Variants in ERN1 observed in about 807,000 individuals in gnomAD.
ERN1 encodes endoplasmic reticulum to nucleus signaling 1, also known as serine/threonine-protein kinase/endoribonuclease IRE1.
Under a neutral mutation model 113.1 loss-of-function variants are expected in ERN1, and 39 were observed. That is an observed-to-expected ratio of 0.34 (90% CI 0.27 to 0.45). The LOEUF is 0.45. ERN1 is among the 20% of genes least tolerant of loss of function. The probability of loss-of-function intolerance (pLI) is 1.00; values close to 1 mark genes in which losing one functional copy is unlikely to be tolerated. For missense variants in ERN1, 976 were observed against 1,274.8 expected, an observed-to-expected ratio of 0.77 and a Z score of 3.57; for synonymous variants, 507 against 515.9, an observed-to-expected ratio of 0.98 and a Z score of 0.23.
chr17:64,129,869 G>T, intron 1 of ERN1, 107 bp downstream of exon 1: 1 of 1,089,946 alleles, frequency 9.2e-7, no homozygotes, highest in Non-Finnish European at 1.2e-6. Context: ...TCTGGCCGCC[G>T]CCGTCGCGCT....
Position 64,045,352 on chromosome 17 carries a change from T to C in ERN1, c.2653+7A>G. 6 of 1,613,830 alleles carry C rather than the reference T, an allele frequency of 3.7e-6. No homozygotes were observed. The highest frequency in any genetic ancestry group is 5.1e-6 in the Non-Finnish European group (6 of 1,179,872). On this transcript the variant is annotated splice_region_variant and intron_variant, in intron 20 of 21. Transcript: ENST00000433197. ...ACCTGCCCTCTCACACGCTGCAGCA[T>C]GATCACCTGTCTGGAGGGGGACAGT...
chr17:64,072,260 T>C (rs1017786394), intron 5 of ERN1, among the ~76,000 whole-genome samples, 157 bp from the exon 6 acceptor site: 3 of 152,254 alleles, frequency 2.0e-5, no homozygotes, highest in African/African-American at 7.2e-5. Context: ...GCAGAGATAA[T>C]AAAACTTCTT....
chr17:64,065,313 T>C (rs898102513), intron 8 of ERN1, 26 bp from the exon 9 acceptor site: 1 of 1,516,224 alleles, frequency 6.6e-7, no homozygotes, highest in Non-Finnish European at 9.0e-7. Flanking sequence ...ATACATGCAT[T>C]CCAGAGTCAT....
intron 8 of ERN1, among the ~76,000 whole-genome samples, chr17:64,065,885 G>A (rs911498319): frequency 6.6e-6 from 1 of 152,116 alleles, no homozygotes; most frequent in Non-Finnish European, 1.5e-5. Flanking sequence ...AATGGTGAGA[G>A]CTACACCTCC....
At chr17:64,078,937 C>T (rs570410093) in intron 4 of ERN1, among the ~76,000 whole-genome samples, 20 of 152,274 alleles carry the variant, frequency 1.3e-4, no homozygotes, top group Admixed American at 2.0e-4. Context: ...GCCTGTGAGA[C>T]GGAGGTTGTA....
intron 12 of ERN1, among the ~76,000 whole-genome samples, chr17:64,056,390 G>C (rs1485918207): frequency 3.3e-5 from 5 of 152,226 alleles, no homozygotes; most frequent in African/African-American, 1.2e-4. Flanking sequence ...GTTGGCTAGA[G>C]GCTAGCGCAC....
chr17:64,083,855 T>C (rs1373181147), intron 2 of ERN1, among the ~76,000 whole-genome samples: 1 of 152,180 alleles, frequency 6.6e-6, no homozygotes, highest in East Asian at 1.9e-4. Flanking sequence ...ATCACTTCTT[T>C]AAGCTCAAAT....
chr17:64,101,269 C>T (rs566011578), intron 1 of ERN1, among the ~76,000 whole-genome samples: 22 of 152,052 alleles, frequency 1.4e-4, no homozygotes, highest in African/African-American at 3.9e-4. Flanking sequence ...ATTAGCCGGG[C>T]GTGGTGGTGG....
Position 64,039,827 on chromosome 17 carries a change from G to A in ERN1, c.*4161C>T, listed in dbSNP as rs1317499177. On this transcript the variant is annotated 3_prime_UTR_variant, in exon 22 of 22. Transcript: ENST00000433197. ...ACACAGTACACAGGGGAGGTGGGGG[G>A]GCTTTGGCCAAAGTGTTGGTTAAGG... is the stretch of plus-strand genomic sequence containing the variant. The A allele has an allele frequency of 1.3e-5, 2 of 152,286 alleles. No individual in the cohort carries two copies. Among genetic ancestry groups the A allele is most frequent in the African/African-American group, 4.8e-5 (2 of 41,538 alleles). The allele number at this position is 152,286 out of a possible 1,614,324, so 9.4% of individuals were successfully genotyped here. A position where few individuals can be genotyped will look rare whatever the true frequency, so the allele number is the denominator to read the frequency against.
rs575287877 is a variant in ERN1 at position 64,076,692 on chromosome 17, C to T, written c.283-1445G>A. On this transcript the variant is annotated intron_variant, in intron 4 of 21. Coordinates refer to ENST00000433197, the MANE Select transcript of ERN1 (RefSeq NM_001433.5). ...TCGGCTCACTGCAAGCTCCGCCTCCCGGGTTGATGCCATTCTCCTGCCTCA... is the reference window on the plus strand; with the variant it reads ...TCGGCTCACTGCAAGCTCCGCCTCCTGGGTTGATGCCATTCTCCTGCCTCA... Among the ~76,000 whole-genome samples the T allele has an allele frequency of 2.2e-3, 332 of 152,052 alleles. 4 individuals carry two copies. The highest frequency in any genetic ancestry group is 7.6e-3 in the African/African-American group (315 of 41,478).
At chr17:64,128,651 C>T (rs1355630446) in intron 1 of ERN1, 1 of 152,126 alleles carries the variant, frequency 6.6e-6, no homozygotes, top group South Asian at 2.1e-4. Context: ...AGATGCCAGG[C>T]AGTAGTTACC....
In ERN1 at chr17:64,075,261, A is replaced by AAG. The variant is rs746990089; in HGVS notation, c.283-15_283-14insCT. On this transcript the variant is annotated splice_polypyrimidine_tract_variant and intron_variant, in intron 4 of 21. Coordinates refer to ENST00000433197, the MANE Select transcript of ERN1 (RefSeq NM_001433.5). ...AAAAGGAAGTTTCTTTAAAAAAAAA[A>AAG]AAAAAGAAAAAAAAAAGTTAACCAA... 1.1e-5 allele frequency: 16 copies of AAG among 1,481,188 alleles called. No homozygotes were observed. The highest frequency in any genetic ancestry group is 1.3e-5 in the South Asian group (1 of 74,796). The allele number at this position is 1,481,188 out of a possible 1,614,324, so 91.8% of individuals were successfully genotyped here.
At chr17:64,084,936 A>T (rs1214329105) in intron 2 of ERN1, among the ~76,000 whole-genome samples, 1 of 152,124 alleles carries the variant, frequency 6.6e-6, no homozygotes, top group Non-Finnish European at 1.5e-5. Flanking sequence ...GTCTTCCATG[A>T]TCACCTCCTA....
intron 2 of ERN1, among the ~76,000 whole-genome samples, chr17:64,089,175 C>T (rs146322950): frequency 2.0e-5 from 3 of 151,836 alleles, no homozygotes; most frequent in Non-Finnish European, 2.9e-5. Context: ...AAAAATTAGC[C>T]GGGCATGGTG....
chr17:64,043,902 C>A lies in ERN1; in HGVS notation c.*86G>T. ...TGGTTTGGGAAGCCTGGTCTCCCTGCAAAGCCGGGAGGCATCAAGCTCTAA... is the reference window on the plus strand; with the variant it reads ...TGGTTTGGGAAGCCTGGTCTCCCTGAAAAGCCGGGAGGCATCAAGCTCTAA... On this transcript the variant is annotated 3_prime_UTR_variant, in exon 22 of 22. Coordinates refer to ENST00000433197, the MANE Select transcript of ERN1 (RefSeq NM_001433.5). 1.0e-6 allele frequency: 1 copy of A among 956,842 alleles called. No individual in the cohort carries two copies. Among genetic ancestry groups the A allele is most frequent in the Non-Finnish European group, 1.6e-6 (1 of 631,664 alleles). The allele number at this position is 956,842 out of a possible 1,614,324, so 59.3% of individuals were successfully genotyped here.
At chr17:64,121,982 C>T (rs892588889) in intron 1 of ERN1, among the ~76,000 whole-genome samples, 3 of 152,198 alleles carry the variant, frequency 2.0e-5, no homozygotes, top group African/African-American at 7.2e-5. Flanking sequence ...TGGGTATTTT[C>T]CTGAAGCTTA....
chr17:64,104,701 C>T (rs1914475835), intron 1 of ERN1, among the ~76,000 whole-genome samples: 1 of 152,114 alleles, frequency 6.6e-6, no homozygotes, highest in Non-Finnish European at 1.5e-5. Context: ...CACCTGTAAT[C>T]CCAGCCACCC....
Position 64,070,660 on chromosome 17 carries a change from T to C in ERN1, c.478+1321A>G, listed in dbSNP as rs553888794. On this transcript the variant is annotated intron_variant, in intron 6 of 21. Transcript: ENST00000433197. Reference sequence around the variant, plus strand: ...AAATGCAGTGCTTTCCCCAACACTTTCAGGACGGTTCTCTTTTTTCAAATC... The same window carrying C: ...AAATGCAGTGCTTTCCCCAACACTTCCAGGACGGTTCTCTTTTTTCAAATC... 7.9e-5 allele frequency among the ~76,000 whole-genome samples: 12 copies of C among 152,340 alleles called. No homozygotes were observed. In the South Asian group the frequency reaches 2.5e-3, roughly 32 times the overall value.
At chr17:64,069,149 G>A (rs148067464) in intron 6 of ERN1, among the ~76,000 whole-genome samples, 1 of 152,316 alleles carries the variant, frequency 6.6e-6, no homozygotes, top group East Asian at 1.9e-4. Context: ...ATCCTTCTTT[G>A]AGACCTCTGA....
Sources: allele counts gnomAD v4.1 joint callset (sites outside exome capture counted in the v4.1 genomes callset), GRCh38; gene constraint gnomAD v4.1.1; transcripts MANE v1.5; gene names NCBI Gene and HGNC (gene_info 2026-07-23, HGNC 2026-07-21).